Variants in TPO observed in about 807,000 individuals in gnomAD.
TPO encodes thyroid microsomal antigen.
In TPO, 78 loss-of-function variants were observed where a neutral mutation model predicts 96.9. The observed-to-expected ratio is 0.81, with a 90% CI of 0.67 to 0.97. TPO has a LOEUF of 0.97. TPO is among the 50% of genes least tolerant of loss of function. The pLI, the probability that TPO is intolerant of heterozygous loss-of-function variation, is 0.00. For missense variants in TPO, 1,252 were observed against 1,274.8 expected, an observed-to-expected ratio of 0.98 and a Z score of 0.27; for synonymous variants, 547 against 538.0, an observed-to-expected ratio of 1.02 and a Z score of -0.23.
Position 1,493,952 on chromosome 2 carries a change from C to G in TPO, c.1919C>G (p.Ala640Gly). The G allele has an allele frequency of 6.2e-7, 1 of 1,614,170 alleles. No individual in the cohort carries two copies. The highest frequency in any genetic ancestry group is 8.5e-7 in the Non-Finnish European group (1 of 1,180,030). Residue 640 changes from alanine to glycine, a missense_variant, in exon 11 of 17, where the codon GCT (alanine) becomes GGT (glycine). Transcript: ENST00000329066. ...DNIDVWLGGL[A>G]ENFLPRARTG... ...ATCGATGTCTGGCTGGGAGGCTTAGCTGAAAACTTCCTCCCCAGGGCTCGG... is the reference window on the plus strand; with the variant it reads ...ATCGATGTCTGGCTGGGAGGCTTAGGTGAAAACTTCCTCCCCAGGGCTCGG...
intron 2 of TPO, 127 bp downstream of exon 2, chr2:1,414,629 T>C (rs1430880229): frequency 2.6e-6 from 2 of 782,068 alleles, no homozygotes; most frequent in East Asian, 5.5e-5. Flanking sequence ...TTTGTTATGC[T>C]TAAGAAAAAA....
At chr2:1,496,259 T>G (rs540257848) in intron 12 of TPO, 62 bp downstream of exon 12, 1 of 1,566,996 alleles carries the variant, frequency 6.4e-7, no homozygotes, top group East Asian at 2.3e-5. Flanking sequence ...ACAAAGCTTA[T>G]CTTCCCCAGG....
At chr2:1,495,713 C>T (rs1336711669) in intron 11 of TPO, among the ~76,000 whole-genome samples, 1 of 152,186 alleles carries the variant, frequency 6.6e-6, no homozygotes, top group African/African-American at 2.4e-5. Flanking sequence ...CCTGAGTGGT[C>T]CCGGGTGCTC....
rs537672260 is a variant in TPO, at chr2:1,516,464, C to A, written c.2519-419C>A. The stretch of plus-strand genomic sequence containing the variant: ...AAGGGCAAAACCTCACAGCGTTATA[C>A]CGCGTCCCTTACAGCCCACCTTGCG... On this transcript the variant is annotated intron_variant, in intron 14 of 16. Coordinates refer to ENST00000329066, the MANE Select transcript of TPO (RefSeq NM_001206744.2). Among the ~76,000 whole-genome samples, 4 of 152,322 alleles carry A rather than the reference C, an allele frequency of 2.6e-5. No homozygotes were observed. The East Asian group carries it at 7.7e-4, about 29-fold the overall frequency.
chr2:1,381,499 C>T (rs2148343893), intron 1 of TPO, among the ~76,000 whole-genome samples: 1 of 152,282 alleles, frequency 6.6e-6, no homozygotes, highest in Admixed American at 6.5e-5. Flanking sequence ...TGAGAATCCA[C>T]CCATGATCCC....
intron 4 of TPO, among the ~76,000 whole-genome samples, chr2:1,434,983 G>C (rs1018544367): frequency 6.6e-6 from 1 of 152,014 alleles, no homozygotes; most frequent in Non-Finnish European, 1.5e-5. Context: ...GCCCAGGCTG[G>C]AGTGCAGTGG....
At chr2:1,539,222 G>A (rs1245285335) in intron 15 of TPO, among the ~76,000 whole-genome samples, 3 of 152,160 alleles carry the variant, frequency 2.0e-5, no homozygotes, top group Non-Finnish European at 2.9e-5. Context: ...CACATCGCAC[G>A]AACACCTGAC....
chr2:1,397,251 T>G (rs1207414225), intron 1 of TPO, among the ~76,000 whole-genome samples: 1 of 152,222 alleles, frequency 6.6e-6, no homozygotes, highest in Non-Finnish European at 1.5e-5. Flanking sequence ...GCAAATTCCC[T>G]CAATTCAGAG....
At chr2:1,512,849 G>A (rs1674301131) in intron 14 of TPO, among the ~76,000 whole-genome samples, 1 of 152,186 alleles carries the variant, frequency 6.6e-6, no homozygotes, top group South Asian at 2.1e-4. Context: ...GGGGATGCTG[G>A]CTTCAGTGCT....
intron 8 of TPO, among the ~76,000 whole-genome samples, chr2:1,480,900 A>T (rs1164360965): frequency 1.1e-5 from 1 of 92,480 alleles, no homozygotes; most frequent in Non-Finnish European, 2.6e-5. Flanking sequence ...CACTCTGAGG[A>T]TCTTGGCTCC....
chr2:1,488,391 G>A (rs746247955), intron 10 of TPO, among the ~76,000 whole-genome samples: 1 of 151,994 alleles, frequency 6.6e-6, no homozygotes. Flanking sequence ...AGATCATTCC[G>A]TCACATCAGG....
chr2:1,494,894 T>C (rs1339518629), intron 11 of TPO, among the ~76,000 whole-genome samples: 2 of 152,178 alleles, frequency 1.3e-5, no homozygotes, highest in East Asian at 3.9e-4. Flanking sequence ...TTATCTCTAA[T>C]TTCTGAGATG....
chr2:1,389,759 C>T (rs1661968539), intron 1 of TPO, among the ~76,000 whole-genome samples: 1 of 152,150 alleles, frequency 6.6e-6, no homozygotes, highest in African/African-American at 2.4e-5. Context: ...TCCAGGAATT[C>T]TTTCCACCTC....
At chr2:1,461,256 G>T (rs551548336) in intron 7 of TPO, among the ~76,000 whole-genome samples, 2 of 152,254 alleles carry the variant, frequency 1.3e-5, no homozygotes, top group South Asian at 4.1e-4. Context: ...GCCCCCAGAG[G>T]CTCCTTCCTC....
intron 3 of TPO, among the ~76,000 whole-genome samples, chr2:1,428,334 T>A (rs1438972124): frequency 6.6e-6 from 1 of 152,090 alleles, no homozygotes; most frequent in Non-Finnish European, 1.5e-5. Context: ...CTTTCCAGGC[T>A]CTCCTGAACT....
intron 3 of TPO, among the ~76,000 whole-genome samples, chr2:1,425,186 T>TGA (rs1664217352): frequency 6.6e-6 from 1 of 151,774 alleles, no homozygotes; most frequent in Non-Finnish European, 1.5e-5. Context: ...CAGAAGTCCA[T>TGA]GCTCCTTCTG....
chr2:1,398,327 G>A (rs902736797), intron 1 of TPO, among the ~76,000 whole-genome samples: 3 of 152,182 alleles, frequency 2.0e-5, no homozygotes, highest in African/African-American at 7.2e-5. Context: ...ACAAACTACT[G>A]TTGCCTTTGG....
At chr2:1,508,814 T>C (rs1673759295) in intron 14 of TPO, among the ~76,000 whole-genome samples, 1 of 152,190 alleles carries the variant, frequency 6.6e-6, no homozygotes, top group African/African-American at 2.4e-5. Flanking sequence ...CTATCAATTT[T>C]GTTGATCTTT....
At chr2:1,514,972 T>C (rs1286331866) in intron 14 of TPO, among the ~76,000 whole-genome samples, 1 of 152,146 alleles carries the variant, frequency 6.6e-6, no homozygotes, top group East Asian at 1.9e-4. Flanking sequence ...CACTCAAGGC[T>C]CTGATGTCAG....
Sources: gnomAD v4.1 joint callset for allele counts (sites outside exome capture counted in the v4.1 genomes callset) on GRCh38, gnomAD v4.1.1 for gene constraint, MANE v1.5 for transcripts, NCBI Gene and HGNC (gene_info 2026-07-23, HGNC 2026-07-21) for gene names.